CASZ1: variants seen among roughly 807,000 people sequenced by gnomAD.
CASZ1 encodes castor zinc finger 1.
Under a neutral mutation model 135.2 loss-of-function variants are expected in CASZ1, and 28 were observed. The observed-to-expected ratio is 0.21, with a 90% CI of 0.15 to 0.28. CASZ1 has a LOEUF of 0.28. Ranked by LOEUF, CASZ1 falls within the 10% of genes least tolerant of loss-of-function variation. CASZ1 has a pLI of 1.00. For synonymous variants in CASZ1, 1,068 were observed against 1,073.4 expected, an observed-to-expected ratio of 0.99 and a Z score of 0.10; for missense variants, 2,161 against 2,453.3, an observed-to-expected ratio of 0.88 and a Z score of 2.52.
Position 10,665,379 on chromosome 1 carries a change from T to G in CASZ1, c.209A>C (p.Glu70Ala), listed in dbSNP as rs756525457. Residue 70 changes from glutamate to alanine, a missense_variant, in exon 5 of 21, where the codon GAG (glutamate) becomes GCG (alanine). Around this residue, in one of 7 missense-constraint regions of CASZ1, gnomAD observed 590 missense variants for 609.8 expected, o/e 0.97. Transcript: ENST00000377022. ...QPRDQERSGP[E>A]SGAARAPRSE... ...GCGGGGGGCCCGGGCTGCCCCAGAC[T>G]CAGGGCCACTGCGCTCTTGGTCCCG... is the stretch of plus-strand genomic sequence containing the variant. The G allele has an allele frequency of 1.2e-6, 2 of 1,612,264 alleles. No homozygotes were observed. Among genetic ancestry groups the G allele is most frequent in the South Asian group, 1.1e-5 (1 of 90,924 alleles).
At position 10,664,026 on chromosome 1, in the gene CASZ1, T is replaced by A. The variant is rs1237350137; in HGVS notation, c.505+1057A>T. ...CCTTGTGTCTGGCAACGGCAAGGGC[T>A]TTTCCTATCAGAGGAAACTGAAGGT... On this transcript the variant is annotated intron_variant, in intron 5 of 20. Transcript: ENST00000377022. 5.1e-4 allele frequency among the ~76,000 whole-genome samples: 77 copies of A among 152,238 alleles called. 2 individuals carry two copies. Among genetic ancestry groups the A allele is most frequent in the Admixed American group, 5.0e-3 (77 of 15,290 alleles).
At chr1:10,689,411 G>C (rs144477271) in intron 4 of CASZ1, among the ~76,000 whole-genome samples, 1 of 152,224 alleles carries the variant, frequency 6.6e-6, no homozygotes, top group South Asian at 2.1e-4. Context: ...GGGGCTGTGG[G>C]GGCTGGGGGA....
At chr1:10,781,904 A>C (rs1050031767) in intron 1 of CASZ1, among the ~76,000 whole-genome samples, 1 of 152,176 alleles carries the variant, frequency 6.6e-6, no homozygotes, top group African/African-American at 2.4e-5. Flanking sequence ...ATAAGGAGAG[A>C]CTAGGGATTT....
rs908553792 is a variant in CASZ1, at chr1:10,776,033, C to T, written c.-233-15176G>A. ...TCCCCATCAGTGGGGTCTGCTCGGT[C>T]CCTGTAGCTAATTTACACCCGTCAG... is the stretch of plus-strand genomic sequence containing the variant. On this transcript the variant is annotated intron_variant, in intron 1 of 20. Coordinates refer to ENST00000377022, the MANE Select transcript of CASZ1 (RefSeq NM_001079843.3). The surrounding 1 kb of genome is among the most constrained non-coding windows in gnomAD (Gnocchi z 4.1). Among the ~76,000 whole-genome samples the T allele has an allele frequency of 1.3e-5, 2 of 152,192 alleles. No homozygotes were observed. Among genetic ancestry groups the T allele is most frequent in the Non-Finnish European group, 1.5e-5 (1 of 68,030 alleles).
At chr1:10,734,145 G>A (rs148338833) in intron 2 of CASZ1, among the ~76,000 whole-genome samples, 399 of 152,128 alleles carry the variant, frequency 2.6e-3, no homozygotes, top group African/African-American at 9.0e-3. Flanking sequence ...GGGCCTGCCC[G>A]AGCAGATGAC....
chr1:10,696,936 G>T (rs1371633758), intron 3 of CASZ1, among the ~76,000 whole-genome samples: 1 of 152,206 alleles, frequency 6.6e-6, no homozygotes, highest in African/African-American at 2.4e-5. Context: ...GCAGACAAAG[G>T]CTACAGAGGA....
rs112035960 is a variant in CASZ1, at chr1:10,777,575, C to T, written c.-233-16718G>A. 0.038 allele frequency among the ~76,000 whole-genome samples: 5,763 copies of T among 152,176 alleles called. 130 individuals carry two copies. Among genetic ancestry groups the T allele is most frequent in the Middle Eastern group, 0.061 (18 of 294 alleles). On this transcript the variant is annotated intron_variant, in intron 1 of 20. Coordinates refer to ENST00000377022, the MANE Select transcript of CASZ1 (RefSeq NM_001079843.3). This position sits in a 1 kb window ranked among gnomAD's most constrained non-coding sequence, Gnocchi z 4.4. ...ATTTTACTCTGCCCGGCTACTACAA[C>T]GAGGGGGAAAGAAGCGACACACAAA...
rs150503508 is a variant in CASZ1 at position 10,662,389 on chromosome 1, A to C, written c.506-1853T>G. On this transcript the variant is annotated intron_variant, in intron 5 of 20. Transcript: ENST00000377022. ...TGCATTCTCATACTTTCACACCCAC[A>C]CACCCAATCACGTGCATACAATCAC... is the stretch of plus-strand genomic sequence containing the variant. 2.0e-3 allele frequency among the ~76,000 whole-genome samples: 311 copies of C among 151,984 alleles called. 1 individual carries two copies. The highest frequency in any genetic ancestry group is 7.3e-3 in the African/African-American group (303 of 41,406).
chr1:10,784,843 A>C (rs2100619804), intron 1 of CASZ1, among the ~76,000 whole-genome samples: 1 of 152,220 alleles, frequency 6.6e-6, no homozygotes, highest in South Asian at 2.1e-4. Flanking sequence ...TGGTATTACA[A>C]GCATGAACCA....
In CASZ1 at chr1:10,642,810, C is replaced by A. The variant is rs772294858; in HGVS notation, c.4162+49G>T. 2.5e-6 allele frequency: 4 copies of A among 1,597,706 alleles called. No individual in the cohort carries two copies. The Admixed American group carries it at 6.8e-5, about 27-fold the overall frequency. ...CCAAGCTGCACCCAGCGGTGCTGGG[C>A]TTTGGGAGTGGGGCCTGGCCCTGCC... On this transcript the variant is annotated intron_variant, in intron 20 of 20. Coordinates refer to ENST00000377022, the MANE Select transcript of CASZ1 (RefSeq NM_001079843.3).
At position 10,657,716 on chromosome 1, in the gene CASZ1, C is replaced by A. The variant is rs982964036; in HGVS notation, c.1409+792G>T. On this transcript the variant is annotated intron_variant, in intron 7 of 20. Transcript: ENST00000377022. The surrounding 1 kb of genome is among the most constrained non-coding windows in gnomAD (Gnocchi z 5.7). ...GGGACGTGGAGGCGGAGAGACAGAG[C>A]GGGCGGGAGGAACCTGGAAGATCTG... is the stretch of plus-strand genomic sequence containing the variant. Among the ~76,000 whole-genome samples, 2 of 135,070 alleles carry A rather than the reference C, an allele frequency of 1.5e-5. No homozygotes were observed. Among genetic ancestry groups the A allele is most frequent in the Non-Finnish European group, 3.1e-5 (2 of 64,610 alleles). The allele number at this position is 135,070 out of a possible 152,430, so 88.6% of individuals were successfully genotyped here.
At chr1:10,729,557 G>C (rs1378652889) in intron 2 of CASZ1, among the ~76,000 whole-genome samples, 1 of 152,362 alleles carries the variant, frequency 6.6e-6, no homozygotes, top group East Asian at 1.9e-4. Flanking sequence ...CAGAGCCCTG[G>C]GGGGCTTAGG....
In CASZ1 at chr1:10,647,362, G is replaced by A. The variant is rs1053970100; in HGVS notation, c.3497+439C>T. ...TCAGACCACTGTGCAGGCCAGTGAC[G>A]GCCTGGAGGGGCCTGGCCCCTACCC... On this transcript the variant is annotated intron_variant, in intron 16 of 20. Coordinates refer to ENST00000377022, the MANE Select transcript of CASZ1 (RefSeq NM_001079843.3). This position sits in a 1 kb window ranked among gnomAD's most constrained non-coding sequence, Gnocchi z 4.9. 7.6e-6 allele frequency: 8 copies of A among 1,048,360 alleles called. No individual in the cohort carries two copies. The highest frequency in any genetic ancestry group is 9.9e-5 in the Admixed American group (2 of 20,180). The allele number at this position is 1,048,360 out of a possible 1,614,324, so 64.9% of individuals were successfully genotyped here. A position where few individuals can be genotyped will look rare whatever the true frequency, so the allele number is the denominator to read the frequency against.
At chr1:10,643,514 C>T (rs1642273421) in intron 18 of CASZ1, among the ~76,000 whole-genome samples, 1 of 152,236 alleles carries the variant, frequency 6.6e-6, no homozygotes, top group African/African-American at 2.4e-5. Flanking sequence ...AACCCTGGGC[C>T]TCCTCTCCAG....
rs748942592 is a variant in CASZ1, at chr1:10,659,733, A to G, written c.1309T>C (p.Ser437Pro). 6.2e-7 allele frequency: 1 copy of G among 1,613,674 alleles called. No individual in the cohort carries two copies. The highest frequency in any genetic ancestry group is 2.2e-5 in the East Asian group (1 of 44,830). ...YLKSTFSKTD[S>P]ITTGTVSTVK... The stretch of plus-strand genomic sequence containing the variant: ...GTGGAGACGGTCCCCGTGGTGATGG[A>G]GTCTGTTTTGGAGAAGGTTGACTTC... Residue 437 changes from serine to proline, a missense_variant, in exon 6 of 21, where the codon TCC (serine) becomes CCC (proline). Ser to Pro is a moderately conservative substitution (Grantham distance 74). This residue lies in a region of CASZ1 where 248 missense variants were observed against 410.8 expected (regional missense o/e 0.60). Transcript: ENST00000377022.
chr1:10,739,549 A>C lies in CASZ1; in HGVS notation c.-77+21152T>G, dbSNP rs983765528. On this transcript the variant is annotated intron_variant, in intron 2 of 20. Coordinates refer to ENST00000377022, the MANE Select transcript of CASZ1 (RefSeq NM_001079843.3). This position sits in a 1 kb window ranked among gnomAD's most constrained non-coding sequence, Gnocchi z 4.8. ...CCTGAGCCCTCCGCCCCCCGGGCCC[A>C]CTCCCCGTTCTCCCAGCCTTGCTGG... Among the ~76,000 whole-genome samples the C allele has an allele frequency of 6.6e-6, 1 of 151,648 alleles. No homozygotes were observed. Among genetic ancestry groups the C allele is most frequent in the Admixed American group, 6.6e-5 (1 of 15,248 alleles).
intron 1 of CASZ1, among the ~76,000 whole-genome samples, chr1:10,789,627 A>G (rs925318639): frequency 3.3e-5 from 5 of 151,640 alleles, no homozygotes; most frequent in African/African-American, 2.4e-5. Context: ...AAAGACACAT[A>G]GGACAAATCC....
In CASZ1 at chr1:10,739,656, A is replaced by G. The variant is rs1639875782; in HGVS notation, c.-77+21045T>C. On this transcript the variant is annotated intron_variant, in intron 2 of 20. Transcript: ENST00000377022. The surrounding 1 kb of genome is among the most constrained non-coding windows in gnomAD (Gnocchi z 4.8). ...AGGGCCACCAGCTCCTCAAGAGTCC[A>G]AGCTATAGTTTGGCCCAAATGTCCC... Among the ~76,000 whole-genome samples, 2 of 152,224 alleles carry G rather than the reference A, an allele frequency of 1.3e-5. No individual in the cohort carries two copies. The highest frequency in any genetic ancestry group is 1.9e-4 in the East Asian group (1 of 5,166).
At chr1:10,773,962 C>T (rs976136483) in intron 1 of CASZ1, among the ~76,000 whole-genome samples, 2 of 152,198 alleles carry the variant, frequency 1.3e-5, no homozygotes, top group Non-Finnish European at 2.9e-5. Context: ...GACGAGTAGA[C>T]AAAGAAGTGT....
Sources: gnomAD v4.1 joint callset for allele counts (sites outside exome capture counted in the v4.1 genomes callset) on GRCh38, gnomAD v4.1.1 for gene constraint, gnomAD v4.1.1 regional missense constraint, Gnocchi (gnomAD v3.1) non-coding constraint, MANE v1.5 for transcripts, NCBI Gene and HGNC (gene_info 2026-07-23, HGNC 2026-07-21) for gene names.